The following RNF121 variants were observed in gnomAD, a reference collection of about 807,000 sequenced individuals.
RNF121 encodes the protein E3 ubiquitin ligase RNF121.
In RNF121, 21 loss-of-function variants were observed where a neutral mutation model predicts 46.5. The ratio of observed to expected loss-of-function variants is 0.45; its 90% confidence interval spans 0.32 to 0.65. RNF121 has a LOEUF of 0.65. Ranked by LOEUF, RNF121 falls within the 30% of genes least tolerant of loss-of-function variation. The pLI is 0.04. For missense variants in RNF121, 346 were observed against 416.0 expected, an observed-to-expected ratio of 0.83 and a Z score of 1.46; for synonymous variants, 139 against 144.7, an observed-to-expected ratio of 0.96 and a Z score of 0.28.
rs188359371 is a variant in RNF121 at position 71,937,587 on chromosome 11, A to G, written c.63+8463A>G. ...GAACTCCTCTAATGATAGCGAACTA[A>G]TCGTTCCATGGTCAGCCTATTCCTT... is the stretch of plus-strand genomic sequence containing the variant. On this transcript the variant is annotated intron_variant, in intron 1 of 8. Transcript: ENST00000361756. Among the ~76,000 whole-genome samples the G allele has an allele frequency of 3.9e-5, 6 of 152,328 alleles. No individual in the cohort carries two copies. In the East Asian group the frequency reaches 1.2e-3, roughly 29 times the overall value.
intron 4 of RNF121, chr11:71,983,157 C>A (rs995114177): frequency 2.9e-6 from 1 of 342,452 alleles, no homozygotes. Context: ...TAAAGGCAAA[C>A]AAAAATAAGC....
intron 1 of RNF121, among the ~76,000 whole-genome samples, chr11:71,933,655 C>T (rs960800364): frequency 3.3e-5 from 5 of 152,204 alleles, no homozygotes. Flanking sequence ...GTTCCCTCAG[C>T]CCGCTTGTAC....
intron 5 of RNF121, among the ~76,000 whole-genome samples, 196 bp downstream of exon 5, chr11:71,987,307 A>T (rs914124619): frequency 2.0e-5 from 3 of 152,234 alleles, no homozygotes; most frequent in Admixed American, 6.5e-5. Flanking sequence ...GTCTGAATAT[A>T]TACAAAGTCA....
chr11:71,969,109 A>T (rs992773447), intron 3 of RNF121, among the ~76,000 whole-genome samples: 1 of 151,284 alleles, frequency 6.6e-6, no homozygotes, highest in African/African-American at 2.4e-5. Context: ...CTGGTCTCGA[A>T]CTCCTGACCT....
chr11:71,968,401 G>C (rs1954339001), intron 3 of RNF121, among the ~76,000 whole-genome samples: 1 of 152,128 alleles, frequency 6.6e-6, no homozygotes, highest in Non-Finnish European at 1.5e-5. Flanking sequence ...TCTATTGTTT[G>C]CTATTCTGTT....
intron 3 of RNF121, among the ~76,000 whole-genome samples, chr11:71,970,809 T>TAA: frequency 6.6e-6 from 1 of 152,230 alleles, no homozygotes; most frequent in African/African-American, 2.4e-5. Context: ...AGAAAGCAAC[T>TAA]ACCAAGACAG....
chr11:71,934,291 C>A (rs1953349257), intron 1 of RNF121, among the ~76,000 whole-genome samples: 1 of 152,190 alleles, frequency 6.6e-6, no homozygotes, highest in Non-Finnish European at 1.5e-5. Flanking sequence ...TAATTGTCCT[C>A]AGAAAGTTCA....
chr11:71,994,657 C>A lies in RNF121; in HGVS notation c.628-62C>A. 1.9e-6 allele frequency: 3 copies of A among 1,604,944 alleles called. No individual in the cohort carries two copies. The South Asian group carries it at 3.3e-5, about 18-fold the overall frequency. ...TAGAAGGCCTGAGGTCTCTGTGGAG[C>A]TTCCTACTTTGGCTGCTTCTCACAT... On this transcript the variant is annotated intron_variant, in intron 6 of 8. Transcript: ENST00000361756.
At chr11:71,974,713 C>T (rs1954491458) in intron 3 of RNF121, among the ~76,000 whole-genome samples, 4 of 152,164 alleles carry the variant, frequency 2.6e-5, no homozygotes, top group Admixed American at 2.6e-4. Flanking sequence ...TATTTAACGA[C>T]TTTTGCCCAA....
At chr11:71,984,481 C>T (rs1490572770) in intron 4 of RNF121, among the ~76,000 whole-genome samples, 2 of 152,026 alleles carry the variant, frequency 1.3e-5, no homozygotes, top group Non-Finnish European at 2.9e-5. Context: ...CAGGGTTTCC[C>T]CGTGTTAGCC....
chr11:71,929,846 A>G (rs1208492005), intron 1 of RNF121, among the ~76,000 whole-genome samples: 2 of 152,224 alleles, frequency 1.3e-5, no homozygotes, highest in Non-Finnish European at 2.9e-5. Flanking sequence ...TAGTCATTGC[A>G]TTAGAGATAT....
chr11:71,987,453 A>G (rs950761420), intron 5 of RNF121, among the ~76,000 whole-genome samples: 3 of 152,184 alleles, frequency 2.0e-5, no homozygotes, highest in African/African-American at 7.2e-5. Context: ...GTCAGTGTGT[A>G]CTGTTCATTT....
intron 3 of RNF121, 137 bp downstream of exon 3, chr11:71,961,028 A>G (rs747173085): frequency 1.0e-6 from 1 of 970,272 alleles, no homozygotes; most frequent in Non-Finnish European, 1.5e-6. Flanking sequence ...ATGAATGATG[A>G]ATAGTGTATT....
chr11:71,950,440 C>T (rs1317064712), intron 1 of RNF121, among the ~76,000 whole-genome samples: 2 of 151,814 alleles, frequency 1.3e-5, no homozygotes, highest in Non-Finnish European at 2.9e-5. Context: ...AAAAATTAGC[C>T]AGGCGTGATG....
intron 3 of RNF121, among the ~76,000 whole-genome samples, chr11:71,964,413 TTA>T (rs1327940106): frequency 7.3e-6 from 1 of 137,578 alleles, no homozygotes; most frequent in Non-Finnish European, 1.5e-5. Context: ...TTAGGATTTT[TTA>T]TATATAAGAT....
chr11:71,963,913 G>T lies in RNF121; in HGVS notation c.243+3022G>T, dbSNP rs188402775. ...CAGGTACCACATTGTTATGATTACT[G>T]TAGCACTGTAGTAAGTTCTGAAATT... On this transcript the variant is annotated intron_variant, in intron 3 of 8. Transcript: ENST00000361756. Among the ~76,000 whole-genome samples, 19 of 152,316 alleles carry T rather than the reference G, an allele frequency of 1.2e-4. No individual in the cohort carries two copies. In the East Asian group the frequency reaches 3.7e-3, roughly 29 times the overall value.
At chr11:71,981,821 G>A (rs1954666008) in intron 3 of RNF121, among the ~76,000 whole-genome samples, 1 of 152,136 alleles carries the variant, frequency 6.6e-6, no homozygotes, top group Non-Finnish European at 1.5e-5. Flanking sequence ...TTCTAGTTTA[G>A]AGGAAGTGGG....
chr11:71,962,355 T>C (rs1954158002), intron 3 of RNF121: 1 of 881,006 alleles, frequency 1.1e-6, no homozygotes, highest in African/African-American at 1.8e-5. Context: ...GTGGAATCCT[T>C]TCTTTAAACA....
At chr11:71,931,130 C>A (rs1356225146) in intron 1 of RNF121, among the ~76,000 whole-genome samples, 1 of 152,110 alleles carries the variant, frequency 6.6e-6, no homozygotes, top group Non-Finnish European at 1.5e-5. Context: ...TCACCGCGCC[C>A]GGCTAAGAAA....
Sources: allele counts gnomAD v4.1 joint callset (sites outside exome capture counted in the v4.1 genomes callset), GRCh38; gene constraint gnomAD v4.1.1; transcripts MANE v1.5; gene names NCBI Gene and HGNC (gene_info 2026-07-23, HGNC 2026-07-21).